The following EXOC3L4 variants were observed in gnomAD, a reference collection of about 807,000 sequenced individuals.
EXOC3L4 encodes the protein exocyst complex component 3 like 4, also known as exocyst complex component 3-like protein 4.
In EXOC3L4, 62 loss-of-function variants were observed where a neutral mutation model predicts 69.7. The observed-to-expected ratio is 0.89, with a 90% CI of 0.72 to 1.10. The LOEUF (loss-of-function observed/expected upper bound fraction) is 1.10, where lower values mean the gene tolerates loss of function less well. Ranked by LOEUF, EXOC3L4 falls within the 50% of genes least tolerant of loss-of-function variation. EXOC3L4 has a pLI of 0.00. For synonymous variants in EXOC3L4, 502 were observed against 464.2 expected (o/e 1.08, Z -1.05); for missense variants, 1,087 against 1,034.8 (o/e 1.05, Z -0.69).
intron 10 of EXOC3L4, 100 bp from the exon 11 acceptor site, chr14:103,108,296 C>G: frequency 6.6e-7 from 1 of 1,514,846 alleles, no homozygotes; most frequent in Non-Finnish European, 8.9e-7. Context: ...AGGGCTGACG[C>G]TGCGGGAGGG....
intron 2 of EXOC3L4, 147 bp from the exon 3 acceptor site, chr14:103,101,971 C>A: frequency 3.5e-6 from 3 of 864,568 alleles, no homozygotes; most frequent in Non-Finnish European, 5.2e-6. Flanking sequence ...GCCTGTTGTT[C>A]CTGGAGCAGG....
chr14:103,110,478 T>G lies in EXOC3L4; in HGVS notation c.*255T>G. ...GCTGCCTATCGGGCGGGGGGGGGCC[T>G]CCCGCCCGACTGTCCAGCTTCACCC... is the stretch of plus-strand genomic sequence containing the variant. On this transcript the variant is annotated 3_prime_UTR_variant, in exon 12 of 12. Transcript: ENST00000688303. The G allele has an allele frequency of 3.3e-6, 2 of 611,718 alleles. No individual in the cohort carries two copies. The highest frequency in any genetic ancestry group is 6.0e-6 in the Non-Finnish European group (2 of 335,562). 37.9% of individuals were successfully genotyped at this position (611,718 alleles called of 1,614,324 possible).
chr14:103,106,976 G>T (rs1890589720), intron 8 of EXOC3L4, 77 bp downstream of exon 8: 1 of 1,195,382 alleles, frequency 8.4e-7, no homozygotes, highest in African/African-American at 1.5e-5. Context: ...TGGGGGCCCA[G>T]GTCACAGCAT....
rs1301956624 is a variant in EXOC3L4, at chr14:103,110,012, T to G, written c.1977-19T>G. On this transcript the variant is annotated intron_variant, in intron 11 of 11. Transcript: ENST00000688303. ...TGCGGAGGTGTAGGTCTGCAGTGAG[T>G]GCCCGCATGTCTCTGCAGGCGGGAC... 3 of 1,572,286 alleles carry G rather than the reference T, an allele frequency of 1.9e-6. No individual in the cohort carries two copies. Among genetic ancestry groups the G allele is most frequent in the Non-Finnish European group, 2.6e-6 (3 of 1,160,628 alleles).
At chr14:103,104,688 C>T in intron 5 of EXOC3L4, 50 bp from the exon 6 acceptor site, 1 of 1,409,002 alleles carries the variant, frequency 7.1e-7, no homozygotes, top group South Asian at 1.5e-5. Flanking sequence ...GGACCCGCGG[C>T]CTCAGGTCGG....
chr14:103,108,362 G>A (rs759023360), intron 10 of EXOC3L4, 34 bp from the exon 11 acceptor site: 12 of 1,608,274 alleles, frequency 7.5e-6, no homozygotes, highest in Non-Finnish European at 4.2e-6. Context: ...GTGGGGAGAG[G>A]GCTGTTGGGG....
In EXOC3L4 at chr14:103,108,526, C is replaced by G. The variant is rs746248737; in HGVS notation, c.1976+9C>G. On this transcript the variant is annotated intron_variant, in intron 11 of 11. Coordinates refer to ENST00000688303, the MANE Select transcript of EXOC3L4 (RefSeq NM_001077594.2). ...AGCTACCCCGACATCAGGTGTGTACCCCACCTGCTTCCACTAGCTTCCTAC... is the reference window on the plus strand; with the variant it reads ...AGCTACCCCGACATCAGGTGTGTACGCCACCTGCTTCCACTAGCTTCCTAC... 6 of 1,611,560 alleles carry G rather than the reference C, an allele frequency of 3.7e-6. No individual in the cohort carries two copies. The African/African-American group carries it at 8.0e-5, about 22-fold the overall frequency.
Position 103,110,237 on chromosome 14 carries a change from G to A in EXOC3L4, c.*14G>A, listed in dbSNP as rs536393223. The A allele has an allele frequency of 1.3e-5, 19 of 1,498,818 alleles. No homozygotes were observed. The highest frequency in any genetic ancestry group is 9.7e-5 in the African/African-American group (7 of 71,812). The allele number at this position is 1,498,818 out of a possible 1,614,324, so 92.8% of individuals were successfully genotyped here. On this transcript the variant is annotated 3_prime_UTR_variant, in exon 12 of 12. Coordinates refer to ENST00000688303, the MANE Select transcript of EXOC3L4 (RefSeq NM_001077594.2). ...ACCTGCGTCTAGTTCTCTCTGGCTC[G>A]AGGGGGGGCCGGCCGCTGGCAGGGA...
intron 3 of EXOC3L4, among the ~76,000 whole-genome samples, chr14:103,103,001 T>C (rs2139485625): frequency 6.6e-6 from 1 of 152,316 alleles, no homozygotes; most frequent in Admixed American, 6.5e-5. Context: ...TTGAAAAGTT[T>C]CCGCGGGGAG....
rs1428879227 is a variant in EXOC3L4, at chr14:103,110,217, C to T, written c.2163C>T (p.Cys721=). The T allele has an allele frequency of 6.0e-6, 9 of 1,504,546 alleles. No individual in the cohort carries two copies. The Admixed American group carries it at 8.8e-5, about 15-fold the overall frequency. 93.2% of individuals were successfully genotyped at this position (1,504,546 alleles called of 1,614,324 possible). A position where few individuals can be genotyped will look rare whatever the true frequency, so the allele number is the denominator to read the frequency against. The change falls in exon 12 of 12, where the codon TGC becomes TGT. Residue 721 remains cysteine, a synonymous_variant. Coordinates refer to ENST00000688303, the MANE Select transcript of EXOC3L4 (RefSeq NM_001077594.2). ...GTGCCATGGCTGTGCTGATCACCTG[C>T]GTCTAGTTCTCTCTGGCTCGAGGGG... is the stretch of plus-strand genomic sequence containing the variant. ...VPSAMAVLIT[C]V is the part of the protein sequence containing the mutation.
intron 8 of EXOC3L4, 133 bp downstream of exon 8, chr14:103,107,032 G>T: frequency 1.3e-6 from 1 of 792,042 alleles, no homozygotes; most frequent in Non-Finnish European, 1.9e-6. Context: ...TAGGGTAGTG[G>T]GCAGGGGACC....
Position 103,097,227 on chromosome 14 carries a change from T to C in EXOC3L4, c.-17+2387T>C, listed in dbSNP as rs1342233330. Among the ~76,000 whole-genome samples, 1 of 152,098 alleles carries C rather than the reference T, an allele frequency of 6.6e-6. No homozygotes were observed. The highest frequency in any genetic ancestry group is 1.5e-5 in the Non-Finnish European group (1 of 67,990). On this transcript the variant is annotated intron_variant, in intron 1 of 11. Transcript: ENST00000688303. The surrounding 1 kb of genome is among the most constrained non-coding windows in gnomAD (Gnocchi z 4.9). ...AGTGACTGTGTCTCTGGGTGGTTTC[T>C]TGCCCCTGCTGCTGGCCCCACAAAG...
intron 11 of EXOC3L4, 128 bp from the exon 12 acceptor site, chr14:103,109,903 A>G: frequency 9.8e-7 from 1 of 1,020,202 alleles, no homozygotes; most frequent in Non-Finnish European, 1.4e-6. Context: ...AGTCAATCTG[A>G]CCTCCCTGAC....
intron 1 of EXOC3L4, 26 bp from the exon 2 acceptor site, chr14:103,100,178 C>T: frequency 6.6e-7 from 1 of 1,521,086 alleles, no homozygotes; most frequent in Middle Eastern, 2.2e-4. Flanking sequence ...GCATCTGCTC[C>T]TATGGCCACT....
chr14:103,106,723 G>A (rs1454291061), intron 7 of EXOC3L4, 62 bp from the exon 8 acceptor site: 10 of 1,028,306 alleles, frequency 9.7e-6, no homozygotes, highest in African/African-American at 4.9e-5. Context: ...CTGTGTGCCC[G>A]GCTCTATTCC....
chr14:103,103,368 A>AAAG (rs1555403235), intron 3 of EXOC3L4, among the ~76,000 whole-genome samples: 1 of 146,120 alleles, frequency 6.8e-6, no homozygotes, highest in African/African-American at 2.7e-5. Context: ...AAAAAAAAAA[A>AAAG]AAAGAAAGAA....
At chr14:103,096,225 G>A (rs542020227) in intron 1 of EXOC3L4, among the ~76,000 whole-genome samples, 18 of 152,214 alleles carry the variant, frequency 1.2e-4, no homozygotes, top group South Asian at 4.1e-4. Flanking sequence ...ATGGTGTTGC[G>A]CACCTGTAGT....
intron 1 of EXOC3L4, among the ~76,000 whole-genome samples, chr14:103,095,266 C>G (rs535298941): frequency 6.6e-6 from 1 of 152,204 alleles, no homozygotes. Flanking sequence ...GGGAAAGTGC[C>G]GAGTACTAGC....
At chr14:103,099,549 G>A (rs1185127066) in intron 1 of EXOC3L4, among the ~76,000 whole-genome samples, 2 of 152,330 alleles carry the variant, frequency 1.3e-5, no homozygotes, top group East Asian at 1.9e-4. Flanking sequence ...TCCTTCTGCC[G>A]CCCCTGTGGC....
Sources: allele counts gnomAD v4.1 joint callset (sites outside exome capture counted in the v4.1 genomes callset), GRCh38; gene constraint gnomAD v4.1.1; non-coding constraint Gnocchi (gnomAD v3.1); transcripts MANE v1.5; gene names NCBI Gene and HGNC (gene_info 2026-07-23, HGNC 2026-07-21).